Variants in DOCK4 observed in about 807,000 individuals in gnomAD.
The protein encoded by DOCK4 is dedicator of cytokinesis 4.
DOCK4 carries 97 observed loss-of-function variants against 268.1 expected under a neutral mutation model. The ratio of observed to expected loss-of-function variants is 0.36; its 90% CI spans 0.31 to 0.43. The LOEUF is 0.43. Among genes scored for constraint, DOCK4 ranks in the 20% least tolerant of loss-of-function variants. The pLI is 1.00. For missense variants in DOCK4, 2,145 were observed against 2,455.7 expected, an observed-to-expected ratio of 0.87 and a Z score of 2.67; for synonymous variants, 954 against 887.2, an observed-to-expected ratio of 1.08 and a Z score of -1.34.
chr7:111,943,725 A>AT (rs1362820735), intron 10 of DOCK4, among the ~76,000 whole-genome samples: 8 of 152,198 alleles, frequency 5.3e-5, no homozygotes, highest in African/African-American at 1.7e-4. Flanking sequence ...AAAACTGTCT[A>AT]TTTTTTATTT....
At chr7:112,007,341 ATGAATGAAGCCAC>A (rs1249636259) in intron 1 of DOCK4, among the ~76,000 whole-genome samples, 3 of 152,164 alleles carry the variant, frequency 2.0e-5, no homozygotes, top group African/African-American at 7.2e-5. Context: ...GAATGAATGA[ATGAATGAAGCCAC>A]TGAGGAATGG....
chr7:111,789,081 C>CT, intron 31 of DOCK4: 12 of 328,100 alleles, frequency 3.7e-5, no homozygotes, highest in Admixed American at 1.3e-4. Flanking sequence ...TTTCTTTTTT[C>CT]TTTTTTTTAA....
chr7:111,779,252 G>T (rs1420178706), intron 35 of DOCK4, among the ~76,000 whole-genome samples: 1 of 151,784 alleles, frequency 6.6e-6, no homozygotes, highest in Non-Finnish European at 1.5e-5. Context: ...AAACATAAAG[G>T]GACAAATAAG....
intron 1 of DOCK4, among the ~76,000 whole-genome samples, chr7:112,066,684 C>T (rs201730094): frequency 0.026 from 1,213 of 45,880 alleles, 122 homozygotes; most frequent in African/African-American, 0.14. Context: ...TACATATATA[C>T]ATATACATAT....
At chr7:112,072,401 G>C (rs142018936) in intron 1 of DOCK4, among the ~76,000 whole-genome samples, 159 of 152,338 alleles carry the variant, frequency 1.0e-3, no homozygotes, top group African/African-American at 3.6e-3. Flanking sequence ...GGTCAGATGT[G>C]TTGTGTAATT....
intron 6 of DOCK4, among the ~76,000 whole-genome samples, chr7:111,987,563 G>A (rs1466477301): frequency 2.0e-5 from 3 of 152,166 alleles, no homozygotes; most frequent in Non-Finnish European, 4.4e-5. Context: ...ATGGAGATTC[G>A]AGATAATCTC....
chr7:111,739,191 C>T lies in DOCK4; in HGVS notation c.5175G>A (p.Leu1725=), dbSNP rs753789003. Reference sequence around the variant, plus strand: ...CACTGCATGGTCTCTCTCTTGGTGACAGGCAAGAGTTTTCTCGGGAATGTT... The same window carrying T: ...CACTGCATGGTCTCTCTCTTGGTGATAGGCAAGAGTTTTCTCGGGAATGTT... ...KHKHSRENSC[L]SPRERPCSAI... The change falls in exon 49 of 53, where the codon CTG becomes CTA. Residue 1725 remains leucine, a synonymous_variant. Transcript: ENST00000428084. 2.5e-6 allele frequency: 4 copies of T among 1,613,878 alleles called. No individual in the cohort carries two copies. Among genetic ancestry groups the T allele is most frequent in the Non-Finnish European group, 3.4e-6 (4 of 1,179,902 alleles).
At chr7:111,953,121 G>A (rs189640381) in intron 8 of DOCK4, among the ~76,000 whole-genome samples, 1 of 151,972 alleles carries the variant, frequency 6.6e-6, no homozygotes, top group Admixed American at 6.6e-5. Context: ...CAAGTACTCA[G>A]GAGACACAGG....
intron 8 of DOCK4, among the ~76,000 whole-genome samples, chr7:111,969,441 C>CA (rs1195196134): frequency 8.6e-5 from 7 of 81,072 alleles, no homozygotes; most frequent in South Asian, 3.5e-4. Context: ...ATTAAAAAAA[C>CA]AAAAAAACAA....
chr7:112,059,264 T>C (rs1806151115), intron 1 of DOCK4, among the ~76,000 whole-genome samples: 1 of 150,428 alleles, frequency 6.6e-6, no homozygotes, highest in Admixed American at 6.6e-5. Flanking sequence ...TGCCTCAGCT[T>C]CCCGAGTAGC....
intron 23 of DOCK4, among the ~76,000 whole-genome samples, chr7:111,858,433 C>A (rs1805198293): frequency 6.6e-6 from 1 of 152,042 alleles, no homozygotes; most frequent in Non-Finnish European, 1.5e-5. Context: ...GGAGAATAAC[C>A]CTGGAATTGC....
At chr7:111,767,225 A>ATATTTT in intron 37 of DOCK4, 107 bp from the exon 38 acceptor site, 1 of 779,220 alleles carries the variant, frequency 1.3e-6, no homozygotes, top group African/African-American at 2.3e-5. Flanking sequence ...TTACTCCTTA[A>ATATTTT]TCTTTTTTTT....
At chr7:111,993,894 C>G (rs1005991314) in intron 5 of DOCK4, among the ~76,000 whole-genome samples, 4 of 152,118 alleles carry the variant, frequency 2.6e-5, no homozygotes, top group African/African-American at 9.7e-5. Context: ...GTAAACCATC[C>G]TATTTGGTTA....
At chr7:111,922,120 G>A (rs1233655197) in intron 12 of DOCK4, among the ~76,000 whole-genome samples, 7 of 152,194 alleles carry the variant, frequency 4.6e-5, no homozygotes, top group African/African-American at 1.7e-4. Context: ...GCTGTCCTCA[G>A]ATACTAGTAA....
chr7:111,833,357 C>T (rs1802988948), intron 26 of DOCK4, among the ~76,000 whole-genome samples: 1 of 151,954 alleles, frequency 6.6e-6, no homozygotes, highest in African/African-American at 2.4e-5. Flanking sequence ...GCCTGGGCAA[C>T]ATAGTGAGAC....
At chr7:112,191,172 C>T (rs1228626850) in intron 1 of DOCK4, among the ~76,000 whole-genome samples, 1 of 152,182 alleles carries the variant, frequency 6.6e-6, no homozygotes, top group Non-Finnish European at 1.5e-5. Flanking sequence ...CTCACTGCAG[C>T]CTCAAACTCC....
chr7:111,859,236 T>G (rs891832085), intron 23 of DOCK4, among the ~76,000 whole-genome samples: 1 of 152,158 alleles, frequency 6.6e-6, no homozygotes, highest in Non-Finnish European at 1.5e-5. Context: ...TTTCAGCCCA[T>G]TGAGAACAAT....
intron 1 of DOCK4, among the ~76,000 whole-genome samples, chr7:112,148,836 A>T (rs1003484927): frequency 2.0e-5 from 3 of 152,188 alleles, no homozygotes; most frequent in African/African-American, 7.2e-5. Context: ...TGTCAATTCA[A>T]ATTGAATGTC....
At position 111,844,755 on chromosome 7, in the gene DOCK4, G is replaced by C. The variant is rs1456287830; in HGVS notation, c.2736+8C>G. ...CTGTTCCACGTGCCATCTGCTCTAT[G>C]ATCTTACAGTGACATCCTGGAACTG... is the stretch of plus-strand genomic sequence containing the variant. On this transcript the variant is annotated splice_region_variant and intron_variant, in intron 25 of 52. Transcript: ENST00000428084. 2 of 1,611,282 alleles carry C rather than the reference G, an allele frequency of 1.2e-6. No individual in the cohort carries two copies. The highest frequency in any genetic ancestry group is 1.7e-6 in the Non-Finnish European group (2 of 1,178,834).
Sources: allele counts gnomAD v4.1 joint callset (sites outside exome capture counted in the v4.1 genomes callset), GRCh38; gene constraint gnomAD v4.1.1; transcripts MANE v1.5; gene names NCBI Gene and HGNC (gene_info 2026-07-23, HGNC 2026-07-21).